The following DLC1 variants were observed in gnomAD, a reference collection of about 807,000 sequenced individuals.
The protein encoded by DLC1 is DLC1 Rho GTPase activating protein, also known as rho GTPase-activating protein 7.
Under a neutral mutation model 140.3 loss-of-function variants are expected in DLC1, and 54 were observed. The ratio of observed to expected loss-of-function variants is 0.38; its 90% confidence interval spans 0.31 to 0.48. The LOEUF (loss-of-function observed/expected upper bound fraction) is 0.48. Among genes scored for constraint, DLC1 ranks in the 20% least tolerant of loss-of-function variants. The pLI, the probability that DLC1 is intolerant of heterozygous loss-of-function variation, is 0.96. For missense variants in DLC1, 2,536 were observed against 1,907.0 expected, an observed-to-expected ratio of 1.33 and a Z score of -6.14; for synonymous variants, 986 against 728.1, an observed-to-expected ratio of 1.35 and a Z score of -5.70.
chr8:13,450,770 G>A (rs1269522124), intron 2 of DLC1, among the ~76,000 whole-genome samples: 1 of 152,008 alleles, frequency 6.6e-6, no homozygotes, highest in Non-Finnish European at 1.5e-5. Context: ...GCCAGGCGCG[G>A]TGGCTCATGC....
rs17805176 is a variant in DLC1 at position 13,393,726 on chromosome 8, C to T, written c.1174-33G>A. ...AAAACAAATGCACTGGTATGAAGGA[C>T]ATGTGAATGTTCCCAAATGCCCTTC... On this transcript the variant is annotated intron_variant, in intron 3 of 17. Coordinates refer to ENST00000276297, the MANE Select transcript of DLC1 (RefSeq NM_182643.3). 268,893 of 1,591,042 alleles carry T rather than the reference C, an allele frequency of 0.17. 24,763 individuals carry two copies. Among genetic ancestry groups the T allele is most frequent in the Non-Finnish European group, 0.19 (224,091 of 1,169,130 alleles).
At chr8:13,474,397 C>T (rs559989665) in intron 2 of DLC1, among the ~76,000 whole-genome samples, 3 of 152,196 alleles carry the variant, frequency 2.0e-5, no homozygotes, top group African/African-American at 7.2e-5. Flanking sequence ...GGGTGAGGCC[C>T]TCCTGGAGAA....
At chr8:13,603,099 T>C (rs547535264) in intron 1 of DLC1, among the ~76,000 whole-genome samples, 75 of 151,894 alleles carry the variant, frequency 4.9e-4, no homozygotes, top group Non-Finnish European at 9.3e-4. Flanking sequence ...CATGCTGTTT[T>C]GTTTAATAAA....
At position 13,100,279 on chromosome 8, in the gene DLC1, C is replaced by T. The variant is rs372344109; in HGVS notation, c.2058G>A (p.Ala686=). The T allele has an allele frequency of 1.5e-5, 24 of 1,613,990 alleles. No individual in the cohort carries two copies. Among genetic ancestry groups the T allele is most frequent in the African/African-American group, 4.0e-5 (3 of 74,936 alleles). The part of the protein sequence containing the change: ...LKSSHHSKHK[A]PSKLGLIISG... ...TGATGATCAACCCCAGCTTTGAGGGCGCTTTGTGCTTGCTGTGATGGGAGC... is the reference window on the plus strand; with the variant it reads ...TGATGATCAACCCCAGCTTTGAGGGTGCTTTGTGCTTGCTGTGATGGGAGC... Residue 686 remains alanine, a synonymous_variant, in exon 9 of 18, where the codon GCG becomes GCA. Coordinates refer to ENST00000276297, the MANE Select transcript of DLC1 (RefSeq NM_182643.3).
intron 4 of DLC1, among the ~76,000 whole-genome samples, chr8:13,382,505 CAAAAA>C (rs71207149): frequency 1.4e-4 from 5 of 35,522 alleles, no homozygotes; most frequent in Admixed American, 4.8e-4. Flanking sequence ...GACTCCGTCT[CAAAAA>C]AAAAAAAAAA....
At chr8:13,105,592 C>CTTT (rs1270510962) in intron 7 of DLC1, among the ~76,000 whole-genome samples, 1 of 141,014 alleles carries the variant, frequency 7.1e-6, no homozygotes, top group African/African-American at 2.6e-5. Flanking sequence ...TCTTTTTCTT[C>CTTT]TTTTTTTTTT....
In DLC1 at chr8:13,099,400, C is replaced by G. The variant is rs1818789576; in HGVS notation, c.2937G>C (p.Glu979Asp). 1.2e-6 allele frequency: 2 copies of G among 1,614,128 alleles called. No homozygotes were observed. Among genetic ancestry groups the G allele is most frequent in the African/African-American group, 2.7e-5 (2 of 75,044 alleles). The change falls in exon 9 of 18, where the codon GAG (glutamate) becomes GAC (aspartate). Residue 979 changes from glutamate to aspartate, a missense_variant. Glu to Asp is a conservative substitution (Grantham distance 45, BLOSUM62 2). Coordinates refer to ENST00000276297, the MANE Select transcript of DLC1 (RefSeq NM_182643.3). ...NSLNEPEEPS[E>D]IPERRDSGVG... is the part of the protein sequence containing the mutation. Reference sequence around the variant, plus strand: ...CCCCAGAATCCCTTCTTTCCGGGATCTCGGAGGGCTCTTCCGGTTCATTCA... The same window carrying G: ...CCCCAGAATCCCTTCTTTCCGGGATGTCGGAGGGCTCTTCCGGTTCATTCA...
chr8:13,154,487 C>G (rs942148415), intron 5 of DLC1, among the ~76,000 whole-genome samples: 25 of 152,346 alleles, frequency 1.6e-4, no homozygotes, highest in African/African-American at 5.8e-4. Context: ...GCCAGCTGCT[C>G]CGAGTGCGGG....
intron 4 of DLC1, among the ~76,000 whole-genome samples, chr8:13,329,100 A>T (rs1461569118): frequency 6.6e-6 from 1 of 152,136 alleles, no homozygotes; most frequent in East Asian, 1.9e-4. Context: ...ATATCACAGG[A>T]GCATCAACTC....
At chr8:13,232,523 G>A (rs1197516630) in intron 5 of DLC1, among the ~76,000 whole-genome samples, 3 of 152,052 alleles carry the variant, frequency 2.0e-5, no homozygotes, top group Non-Finnish European at 2.9e-5. Flanking sequence ...TAATAGAGAC[G>A]GGGTTTCACA....
chr8:13,525,675 G>A (rs1203406174), intron 1 of DLC1, among the ~76,000 whole-genome samples: 2 of 152,078 alleles, frequency 1.3e-5, no homozygotes, highest in African/African-American at 4.8e-5. Flanking sequence ...TCCAAAATTG[G>A]TTTGTTGGTT....
Position 13,283,994 on chromosome 8 carries a change from G to A in DLC1, c.1348+21275C>T, listed in dbSNP as rs1202045452. ...TGCGAAAGAACTCTCGAAGGCTAGG[G>A]AAGAAACCCTGGAAATCAGTGGACT... On this transcript the variant is annotated intron_variant, in intron 5 of 17. Coordinates refer to ENST00000276297, the MANE Select transcript of DLC1 (RefSeq NM_182643.3). Among the ~76,000 whole-genome samples the A allele has an allele frequency of 2.0e-5, 3 of 152,172 alleles. No homozygotes were observed. The East Asian group carries it at 5.8e-4, about 29-fold the overall frequency.
At chr8:13,515,343 A>C (rs1459594373), upstream of DLC1, 4 of 152,168 alleles carry the variant, frequency 2.6e-5, no homozygotes, top group African/African-American at 9.6e-5. Context: ...GACCATCTGT[A>C]AGTAAAATCC....
At chr8:13,324,436 C>T (rs945171339) in intron 4 of DLC1, among the ~76,000 whole-genome samples, 1 of 151,912 alleles carries the variant, frequency 6.6e-6, no homozygotes, top group Non-Finnish European at 1.5e-5. Context: ...GGCGTGGTGG[C>T]GGGCGCCTGT....
At chr8:13,319,195 A>G (rs1832984118) in intron 4 of DLC1, among the ~76,000 whole-genome samples, 1 of 152,238 alleles carries the variant, frequency 6.6e-6, no homozygotes, top group Non-Finnish European at 1.5e-5. Flanking sequence ...CAACAAAATA[A>G]AAAATACTCA....
At chr8:13,319,348 C>T (rs1269537911) in intron 4 of DLC1, among the ~76,000 whole-genome samples, 1 of 152,150 alleles carries the variant, frequency 6.6e-6, no homozygotes, top group African/African-American at 2.4e-5. Context: ...ACATCATTCT[C>T]TCCACAACTT....
chr8:13,599,838 A>C (rs1195627096), intron 1 of DLC1, among the ~76,000 whole-genome samples: 1 of 151,994 alleles, frequency 6.6e-6, no homozygotes, highest in African/African-American at 2.4e-5. Context: ...AAAAAACATA[A>C]AAATTTTTAT....
chr8:13,110,839 A>G lies in DLC1; in HGVS notation c.1421-16T>C. 3 of 1,613,224 alleles carry G rather than the reference A, an allele frequency of 1.9e-6. No homozygotes were observed. Among genetic ancestry groups the G allele is most frequent in the South Asian group, 2.2e-5 (2 of 90,938 alleles). On this transcript the variant is annotated splice_polypyrimidine_tract_variant and intron_variant, in intron 6 of 17. Transcript: ENST00000276297. ...AACAGGAAATCTATGAGAAAAATAA[A>G]CAGATGTATTTGTTGAGCGCCTAAA...
chr8:13,586,583 G>A (rs1406765412), intron 1 of DLC1, among the ~76,000 whole-genome samples: 2 of 102,250 alleles, frequency 2.0e-5, no homozygotes, highest in East Asian at 3.0e-4. Context: ...TAATGCAGAT[G>A]CACATGCACA....
Sources: allele counts gnomAD v4.1 joint callset (sites outside exome capture counted in the v4.1 genomes callset), GRCh38; gene constraint gnomAD v4.1.1; transcripts MANE v1.5; gene names NCBI Gene and HGNC (gene_info 2026-07-23, HGNC 2026-07-21).